The following RNGTT variants were observed in gnomAD, a reference collection of about 807,000 sequenced individuals.
RNGTT encodes the protein RNA guanylyltransferase and 5'-phosphatase, also known as mRNA-capping enzyme.
RNGTT carries 33 observed loss-of-function variants against 79.3 expected under a neutral mutation model. The observed-to-expected ratio is 0.42, with a 90% CI of 0.32 to 0.56. The LOEUF is 0.56. RNGTT is among the 20% of genes least tolerant of loss of function. The pLI, the probability that RNGTT is intolerant of heterozygous loss-of-function variation, is 0.17. For missense variants in RNGTT, 497 were observed against 739.1 expected (o/e 0.67, Z 3.80); for synonymous variants, 222 against 235.9 (o/e 0.94, Z 0.54).
chr6:88,758,443 T>G (rs1200430766), intron 13 of RNGTT, among the ~76,000 whole-genome samples: 1 of 152,202 alleles, frequency 6.6e-6, no homozygotes, highest in Non-Finnish European at 1.5e-5. Flanking sequence ...TCGAAAGGTG[T>G]CTATTGCTCC....
intron 13 of RNGTT, among the ~76,000 whole-genome samples, chr6:88,713,840 T>A (rs963291815): frequency 5.3e-5 from 8 of 152,120 alleles, no homozygotes; most frequent in African/African-American, 1.9e-4. Context: ...GACTGAAAAA[T>A]TAGATATTTA....
In RNGTT at chr6:88,650,276, T is replaced by A. The variant is rs146163602; in HGVS notation, c.1506+28077A>T. ...TGTTACTTTACTTCATTCATTCTTT[T>A]GCTAAACTATAACCACCCTGGGAAC... is the stretch of plus-strand genomic sequence containing the variant. On this transcript the variant is annotated intron_variant, in intron 14 of 15. Coordinates refer to ENST00000369485, the MANE Select transcript of RNGTT (RefSeq NM_003800.5). Among the ~76,000 whole-genome samples, 310 of 152,346 alleles carry A rather than the reference T, an allele frequency of 2.0e-3. 2 individuals carry two copies. The highest frequency in any genetic ancestry group is 7.3e-3 in the African/African-American group (303 of 41,594).
chr6:88,732,786 G>A (rs1777159428), intron 13 of RNGTT, among the ~76,000 whole-genome samples: 1 of 152,070 alleles, frequency 6.6e-6, no homozygotes, highest in East Asian at 1.9e-4. Flanking sequence ...GCCAGGGGCT[G>A]GAGGAGGAAG....
At chr6:88,930,279 C>A in intron 2 of RNGTT, among the ~76,000 whole-genome samples, 1 of 147,240 alleles carries the variant, frequency 6.8e-6, no homozygotes, top group East Asian at 1.9e-4. Context: ...TTATTAACAA[C>A]TCTTCTATTT....
intron 11 of RNGTT, among the ~76,000 whole-genome samples, chr6:88,819,461 A>G (rs1212442495): frequency 6.6e-6 from 1 of 152,186 alleles, no homozygotes; most frequent in African/African-American, 2.4e-5. Context: ...CAACCATCCA[A>G]ACAGTAGGAT....
intron 4 of RNGTT, among the ~76,000 whole-genome samples, chr6:88,928,190 C>A (rs772598340): frequency 6.6e-6 from 1 of 151,636 alleles, no homozygotes; most frequent in African/African-American, 2.4e-5. Flanking sequence ...CCGGCCCGGG[C>A]GATACAGCAA....
At chr6:88,645,080 A>T (rs1275226097) in intron 14 of RNGTT, among the ~76,000 whole-genome samples, 1 of 152,224 alleles carries the variant, frequency 6.6e-6, no homozygotes, top group Non-Finnish European at 1.5e-5. Flanking sequence ...TTTGCAGATG[A>T]CATGATTGTA....
chr6:88,673,903 G>A (rs1774751844), intron 14 of RNGTT, among the ~76,000 whole-genome samples: 1 of 152,162 alleles, frequency 6.6e-6, no homozygotes, highest in South Asian at 2.1e-4. Flanking sequence ...AGAGAAACAG[G>A]ATTTTCCAAA....
intron 13 of RNGTT, among the ~76,000 whole-genome samples, chr6:88,714,867 T>C (rs2127809426): frequency 6.6e-6 from 1 of 152,292 alleles, no homozygotes; most frequent in East Asian, 1.9e-4. Flanking sequence ...TCATACTGAA[T>C]GGGCAAAAAC....
At chr6:88,764,024 C>A (rs780061222) in intron 13 of RNGTT, among the ~76,000 whole-genome samples, 1 of 152,164 alleles carries the variant, frequency 6.6e-6, no homozygotes, top group Non-Finnish European at 1.5e-5. Flanking sequence ...TTGTCTGGAG[C>A]CTCTGAATCC....
intron 13 of RNGTT, among the ~76,000 whole-genome samples, chr6:88,767,169 A>G (rs1346251588): frequency 6.6e-6 from 1 of 152,158 alleles, no homozygotes; most frequent in Non-Finnish European, 1.5e-5. Context: ...CAAATAATGT[A>G]CATACACTGA....
intron 14 of RNGTT, among the ~76,000 whole-genome samples, chr6:88,663,032 C>G (rs189432985): frequency 1.2e-4 from 19 of 152,310 alleles, no homozygotes; most frequent in African/African-American, 4.1e-4. Flanking sequence ...GCTATGATTT[C>G]GGCTCTGACT....
At chr6:88,827,325 C>T (rs1039541867) in intron 11 of RNGTT, among the ~76,000 whole-genome samples, 30 of 152,174 alleles carry the variant, frequency 2.0e-4, no homozygotes, top group Admixed American at 1.5e-3. Flanking sequence ...GAAGCCATGA[C>T]GGACTGTGCC....
chr6:88,861,358 AC>A (rs1670874253), intron 8 of RNGTT, among the ~76,000 whole-genome samples: 1 of 152,096 alleles, frequency 6.6e-6, no homozygotes. Flanking sequence ...TGTTCAAAAA[AC>A]AATACAAGAA....
chr6:88,638,332 G>T (rs1773178185), intron 14 of RNGTT, among the ~76,000 whole-genome samples: 1 of 152,040 alleles, frequency 6.6e-6, no homozygotes, highest in Admixed American at 6.6e-5. Flanking sequence ...TATGTGGATG[G>T]TTTTAGAATT....
At chr6:88,758,385 G>T (rs1778092055) in intron 13 of RNGTT, among the ~76,000 whole-genome samples, 2 of 152,206 alleles carry the variant, frequency 1.3e-5, no homozygotes, top group Non-Finnish European at 2.9e-5. Context: ...CAACCAAGAA[G>T]GGGATAGTCA....
rs1469660635 is a variant in RNGTT, at chr6:88,721,123, A to G, written c.1440-42704T>C. On this transcript the variant is annotated intron_variant, in intron 13 of 15. Transcript: ENST00000369485. ...AGGTGTTACCCAGAGTTTTATCTAG[A>G]AAGGTACCTAATTTTTATATTTATC... is the stretch of plus-strand genomic sequence containing the variant. 2.0e-5 allele frequency among the ~76,000 whole-genome samples: 3 copies of G among 152,056 alleles called. No individual in the cohort carries two copies. The East Asian group carries it at 5.8e-4, about 29-fold the overall frequency.
At chr6:88,638,618 T>C (rs1773190058) in intron 14 of RNGTT, among the ~76,000 whole-genome samples, 1 of 152,158 alleles carries the variant, frequency 6.6e-6, no homozygotes, top group South Asian at 2.1e-4. Context: ...AAAGCTGGCA[T>C]CTTAATCATG....
intron 14 of RNGTT, among the ~76,000 whole-genome samples, chr6:88,618,533 T>G (rs1366231300): frequency 2.0e-5 from 3 of 152,162 alleles, no homozygotes; most frequent in African/African-American, 7.2e-5. Context: ...TTATCCTAGT[T>G]TGAGTTAATG....
Sources: gnomAD v4.1 joint callset for allele counts (sites outside exome capture counted in the v4.1 genomes callset) on GRCh38, gnomAD v4.1.1 for gene constraint, MANE v1.5 for transcripts, NCBI Gene and HGNC (gene_info 2026-07-23, HGNC 2026-07-21) for gene names.